Variants in CAMK1D observed in about 807,000 individuals in gnomAD.
CAMK1D encodes calcium/calmodulin-dependent protein kinase type 1D.
A neutral mutation model predicts 47.7 loss-of-function variants in CAMK1D; 9 were observed. That is an observed-to-expected ratio of 0.19 (90% CI 0.11 to 0.33). The LOEUF is 0.33. Among genes scored for constraint, CAMK1D ranks in the 10% least tolerant of loss-of-function variants. The pLI, the probability that CAMK1D is intolerant of heterozygous loss-of-function variation, is 1.00. For missense variants in CAMK1D, 291 were observed against 488.7 expected (o/e 0.60, Z 3.81); for synonymous variants, 184 against 184.9 (o/e 0.99, Z 0.04).
intron 2 of CAMK1D, among the ~76,000 whole-genome samples, chr10:12,563,634 T>C (rs749122067): frequency 1.3e-4 from 19 of 147,588 alleles, no homozygotes; most frequent in Non-Finnish European, 2.1e-4. Context: ...CCTCAACCAA[T>C]ATGGGGCATT....
Position 12,814,347 on chromosome 10 carries a change from C to T in CAMK1D, c.754+40C>T, listed in dbSNP as rs11258012. ...GGCAGCTCCCAGTGGGCGGCCCCCG[C>T]GACACTTACACCCAGACCACGTGAC... is the stretch of plus-strand genomic sequence containing the variant. On this transcript the variant is annotated intron_variant, in intron 7 of 10. Transcript: ENST00000619168. 3,256 of 1,315,754 alleles carry T rather than the reference C, an allele frequency of 2.5e-3. 55 individuals are homozygous for T. The African/African-American group carries it at 0.036, about 15-fold the overall frequency. The allele number at this position is 1,315,754 out of a possible 1,614,324, so 81.5% of individuals were successfully genotyped here. A position where few individuals can be genotyped will look rare whatever the true frequency, so the allele number is the denominator to read the frequency against.
At chr10:12,568,834 C>G (rs74119204) in intron 2 of CAMK1D, among the ~76,000 whole-genome samples, 2,662 of 152,226 alleles carry the variant, frequency 0.017, 77 homozygotes, top group African/African-American at 0.06. Flanking sequence ...TGCAGATGTG[C>G]GTGCTTTGCC....
chr10:12,585,995 G>A (rs1837805845), intron 2 of CAMK1D, among the ~76,000 whole-genome samples: 1 of 152,160 alleles, frequency 6.6e-6, no homozygotes. Flanking sequence ...AGCATCATCA[G>A]CTTCTTTCAG....
intron 1 of CAMK1D, among the ~76,000 whole-genome samples, chr10:12,547,647 C>CT (rs1554786337): frequency 5.3e-5 from 6 of 112,268 alleles, no homozygotes; most frequent in Admixed American, 8.9e-5. Context: ...ACACCCCCCC[C>CT]CCAACCCTGC....
At chr10:12,461,790 A>G (rs1341347078) in intron 1 of CAMK1D, among the ~76,000 whole-genome samples, 1 of 151,920 alleles carries the variant, frequency 6.6e-6, no homozygotes, top group Non-Finnish European at 1.5e-5. Flanking sequence ...TTCTTCTATG[A>G]TGGTAGCCAA....
chr10:12,527,201 A>G (rs974105274), intron 1 of CAMK1D, among the ~76,000 whole-genome samples: 6 of 151,948 alleles, frequency 3.9e-5, no homozygotes, highest in African/African-American at 1.5e-4. Flanking sequence ...AGAAAGTAAG[A>G]GAGAAAAAAA....
At chr10:12,632,306 A>T (rs978418556) in intron 2 of CAMK1D, among the ~76,000 whole-genome samples, 3 of 152,218 alleles carry the variant, frequency 2.0e-5, no homozygotes, top group Non-Finnish European at 4.4e-5. Flanking sequence ...GATCTAGGGA[A>T]TGAGACTTCC....
intron 2 of CAMK1D, among the ~76,000 whole-genome samples, chr10:12,585,849 C>T (rs1837801386): frequency 6.6e-6 from 1 of 152,210 alleles, no homozygotes; most frequent in African/African-American, 2.4e-5. Context: ...CCATCTCGAT[C>T]CTTCGGACAC....
chr10:12,474,778 C>T (rs927874134), intron 1 of CAMK1D, among the ~76,000 whole-genome samples: 12 of 151,986 alleles, frequency 7.9e-5, no homozygotes, highest in African/African-American at 2.9e-4. Flanking sequence ...ACCCAGTATC[C>T]GTTGTTCCCC....
chr10:12,643,883 CAAAA>C (rs757215270), intron 2 of CAMK1D, among the ~76,000 whole-genome samples: 2 of 114,168 alleles, frequency 1.8e-5, no homozygotes, highest in Non-Finnish European at 1.9e-5. Flanking sequence ...GACTCTGACT[CAAAA>C]AAAAAAAAAA....
chr10:12,653,013 C>T (rs1275893109), intron 2 of CAMK1D: 2 of 152,882 alleles, frequency 1.3e-5, no homozygotes, highest in Non-Finnish European at 2.9e-5. Flanking sequence ...TTCTTTATTT[C>T]TTACAGTTGT....
chr10:12,528,811 G>A (rs534494964), intron 1 of CAMK1D, among the ~76,000 whole-genome samples: 1 of 148,726 alleles, frequency 6.7e-6, no homozygotes, highest in Non-Finnish European at 1.5e-5. Context: ...ATATGATCAT[G>A]GCTCATTGCA....
chr10:12,359,851 G>A (rs1480491540), intron 1 of CAMK1D, among the ~76,000 whole-genome samples: 1 of 152,160 alleles, frequency 6.6e-6, no homozygotes, highest in Non-Finnish European at 1.5e-5. Flanking sequence ...GCATGCATAT[G>A]TATATACCCC....
intron 3 of CAMK1D, among the ~76,000 whole-genome samples, chr10:12,723,932 C>G (rs2130792539): frequency 6.6e-6 from 1 of 152,228 alleles, no homozygotes; most frequent in African/African-American, 2.4e-5. Flanking sequence ...ACAACAGGCC[C>G]CGGTGTGTGA....
chr10:12,718,092 A>T (rs1834226628), intron 3 of CAMK1D, among the ~76,000 whole-genome samples: 1 of 152,072 alleles, frequency 6.6e-6, no homozygotes, highest in South Asian at 2.1e-4. Flanking sequence ...CTCTTCTACC[A>T]TTCTTTTCTG....
At chr10:12,620,461 C>G (rs900030187) in intron 2 of CAMK1D, among the ~76,000 whole-genome samples, 3 of 152,232 alleles carry the variant, frequency 2.0e-5, no homozygotes, top group African/African-American at 4.8e-5. Flanking sequence ...TTTAGCTATT[C>G]TCATAGGTGT....
At chr10:12,390,711 G>A (rs1838691836) in intron 1 of CAMK1D, among the ~76,000 whole-genome samples, 1 of 152,158 alleles carries the variant, frequency 6.6e-6, no homozygotes, top group African/African-American at 2.4e-5. Flanking sequence ...GGGAGCAGAA[G>A]CTTCTAGTCG....
intron 3 of CAMK1D, among the ~76,000 whole-genome samples, chr10:12,710,167 C>G (rs887494907): frequency 1.3e-5 from 2 of 152,156 alleles, no homozygotes; most frequent in African/African-American, 2.4e-5. Flanking sequence ...TAAGTGTTAC[C>G]GTTTGTAACT....
intron 3 of CAMK1D, among the ~76,000 whole-genome samples, chr10:12,714,706 A>G (rs950501170): frequency 1.3e-5 from 2 of 150,692 alleles, no homozygotes; most frequent in African/African-American, 4.9e-5. Flanking sequence ...GCAACAGAGC[A>G]AGACTCCAAC....
Sources: allele counts gnomAD v4.1 joint callset (sites outside exome capture counted in the v4.1 genomes callset), GRCh38; gene constraint gnomAD v4.1.1; transcripts MANE v1.5; gene names NCBI Gene and HGNC (gene_info 2026-07-23, HGNC 2026-07-21).